The following TARS3 variants were observed in gnomAD, a reference collection of about 807,000 sequenced individuals.
TARS3 encodes the protein threonyl-tRNA synthetase 3, also known as threonine--tRNA ligase 2, cytoplasmic.
TARS3 carries 94 observed loss-of-function variants against 103.5 expected under a neutral mutation model. The observed-to-expected ratio is 0.91, with a 90% CI of 0.77 to 1.08. The LOEUF (loss-of-function observed/expected upper bound fraction) is 1.08. Ranked by LOEUF, TARS3 falls within the 50% of genes least tolerant of loss-of-function variation. The pLI, the probability that TARS3 is intolerant of heterozygous loss-of-function variation, is 0.00. For missense variants in TARS3, 952 were observed against 995.2 expected (o/e 0.96, Z 0.58); for synonymous variants, 416 against 355.4 (o/e 1.17, Z -1.92).
chr15:101,660,892 A>G (rs1232682074), intron 16 of TARS3, among the ~76,000 whole-genome samples: 1 of 152,224 alleles, frequency 6.6e-6, no homozygotes, highest in African/African-American at 2.4e-5. Context: ...AAATTCCTCA[A>G]CAGCGGGGGC....
intron 3 of TARS3, among the ~76,000 whole-genome samples, chr15:101,715,438 G>A (rs1417306943): frequency 2.0e-5 from 3 of 152,066 alleles, no homozygotes; most frequent in South Asian, 2.1e-4. Flanking sequence ...GAGCCACCGC[G>A]CCCAGCCACA....
intron 10 of TARS3, among the ~76,000 whole-genome samples, chr15:101,687,727 T>G (rs1352953547): frequency 6.6e-6 from 1 of 152,170 alleles, no homozygotes; most frequent in African/African-American, 2.4e-5. Flanking sequence ...ATTGTGATAT[T>G]GATACCTTAA....
chr15:101,684,236 G>T lies in TARS3; in HGVS notation c.1489C>A (p.Leu497Ile). ...LKPMNCPGHCLMFAHRPRSWR... is the reference protein window; with the variant it reads ...LKPMNCPGHCIMFAHRPRSWR... ...GATCGTGGACGATGGGCAAACATTAGACTAGAAAAGATGTGGTAACACACA... is the reference window on the plus strand; with the variant it reads ...GATCGTGGACGATGGGCAAACATTATACTAGAAAAGATGTGGTAACACACA... The change falls in exon 12 of 19, where the codon CTA becomes ATA. Residue 497 changes from leucine (L) to isoleucine (I), a missense_variant and splice_region_variant. Leu to Ile is a conservative substitution (Grantham distance 5, BLOSUM62 2). Transcript: ENST00000335968. 1 of 1,613,088 alleles carries T rather than the reference G, an allele frequency of 6.2e-7. No individual in the cohort carries two copies. The highest frequency in any genetic ancestry group is 8.5e-7 in the Non-Finnish European group (1 of 1,179,386).
chr15:101,711,233 A>G (rs1458926313), intron 5 of TARS3, among the ~76,000 whole-genome samples: 3 of 152,230 alleles, frequency 2.0e-5, no homozygotes, highest in African/African-American at 7.2e-5. Flanking sequence ...TCTTCTGGGG[A>G]CAAAAAAGAA....
Position 101,671,484 on chromosome 15 carries a change from A to G in TARS3, c.1967+2T>C. 6.3e-7 allele frequency: 1 copy of G among 1,594,804 alleles called. No individual in the cohort carries two copies. The highest frequency in any genetic ancestry group is 2.2e-5 in the East Asian group (1 of 44,462). ...TAATATTTATCACATTCAATCACTCACCTAACATATGTGAGATTAAATCTA... is the reference window on the plus strand; with the variant it reads ...TAATATTTATCACATTCAATCACTCGCCTAACATATGTGAGATTAAATCTA... On this transcript the variant is annotated splice_donor_variant, in intron 15 of 18. Transcript: ENST00000335968. LOFTEE classifies it high-confidence loss of function.
At chr15:101,680,936 T>C (rs982321179) in intron 12 of TARS3, among the ~76,000 whole-genome samples, 2 of 152,204 alleles carry the variant, frequency 1.3e-5, no homozygotes, top group Non-Finnish European at 2.9e-5. Context: ...ATTTTTATGT[T>C]TGACATTTAG....
chr15:101,722,405 C>T (rs535760416), intron 2 of TARS3, among the ~76,000 whole-genome samples: 2 of 151,478 alleles, frequency 1.3e-5, no homozygotes, highest in East Asian at 3.9e-4. Context: ...TTCTTTGGGC[C>T]TAGGTATTCC....
At chr15:101,703,825 A>T in intron 8 of TARS3, 34 bp downstream of exon 8, 1 of 1,391,110 alleles carries the variant, frequency 7.2e-7, no homozygotes, top group Non-Finnish European at 1.0e-6. Flanking sequence ...AGTGCACCTT[A>T]AGTTTACTGT....
chr15:101,672,766 C>T (rs1897861872), intron 13 of TARS3, among the ~76,000 whole-genome samples: 1 of 152,144 alleles, frequency 6.6e-6, no homozygotes, highest in African/African-American at 2.4e-5. Context: ...CAGAGAAAGC[C>T]ACCCCACGGA....
chr15:101,687,061 G>A lies in TARS3; in HGVS notation c.1321-999C>T, dbSNP rs571508274. Among the ~76,000 whole-genome samples the A allele has an allele frequency of 2.0e-5, 3 of 152,110 alleles. No individual in the cohort carries two copies. In the South Asian group the frequency reaches 6.2e-4, roughly 32 times the overall value. ...GTCCACGGTAGACAGCTTAGGTCTC[G>A]GCCATTCAGTGAGCTGCTTTACCTA... is the stretch of plus-strand genomic sequence containing the variant. On this transcript the variant is annotated intron_variant, in intron 10 of 18. Coordinates refer to ENST00000335968, the MANE Select transcript of TARS3 (RefSeq NM_152334.3).
At chr15:101,680,291 A>G (rs1898207864) in intron 12 of TARS3, among the ~76,000 whole-genome samples, 1 of 152,180 alleles carries the variant, frequency 6.6e-6, no homozygotes, top group African/African-American at 2.4e-5. Context: ...AATAGAGTAG[A>G]TATTGTCTAA....
intron 16 of TARS3, among the ~76,000 whole-genome samples, chr15:101,661,427 ATAACT>A (rs1315036834): frequency 6.6e-6 from 1 of 151,200 alleles, no homozygotes; most frequent in Non-Finnish European, 1.5e-5. Context: ...AGGTAAAAAG[ATAACT>A]TTAATTCTAC....
chr15:101,714,680 A>G, intron 4 of TARS3, 160 bp downstream of exon 4: 1 of 463,852 alleles, frequency 2.2e-6, no homozygotes, highest in East Asian at 3.9e-5. Context: ...ATTTGTATAC[A>G]TTCATGCCAC....
chr15:101,663,247 G>T (rs1281185149), intron 15 of TARS3, among the ~76,000 whole-genome samples: 1 of 152,130 alleles, frequency 6.6e-6, no homozygotes, highest in Non-Finnish European at 1.5e-5. Context: ...CAATGTGCAG[G>T]TTTGTTACAT....
At chr15:101,708,284 A>C (rs1021216145) in intron 6 of TARS3, among the ~76,000 whole-genome samples, 1 of 118,172 alleles carries the variant, frequency 8.5e-6, no homozygotes, top group Non-Finnish European at 1.8e-5. Flanking sequence ...AAAAAAAAAA[A>C]ACCCAAAAAA....
At chr15:101,711,792 A>G (rs1899880188) in intron 5 of TARS3, 88 bp downstream of exon 5, 4 of 1,482,610 alleles carry the variant, frequency 2.7e-6, no homozygotes, top group Admixed American at 2.0e-5. Flanking sequence ...AAGGGCCAGC[A>G]GTATACAGTT....
chr15:101,655,820 G>T, intron 18 of TARS3: 2 of 1,234,000 alleles, frequency 1.6e-6, no homozygotes, highest in South Asian at 1.4e-5. Flanking sequence ...GGGTGCAGAT[G>T]AGAGCGGGGA....
chr15:101,715,242 G>A (rs1055700397), intron 3 of TARS3, among the ~76,000 whole-genome samples: 1 of 150,018 alleles, frequency 6.7e-6, no homozygotes, highest in East Asian at 2.0e-4. Flanking sequence ...CGCCTCCCGG[G>A]TTCACGCCAT....
rs1187560425 is a variant in TARS3, at chr15:101,686,027, G to C, written c.1356C>G (p.Leu452=). ...GTTTACTGTTGTACATATTGGGAGA[G>C]AGCACCTCCGTGAAGTCCCGTTTGT... ...EYHKRDFTEV[L]SPNMYNSKLW... is the part of the protein sequence containing the mutation. The change falls in exon 11 of 19, where the codon CTC becomes CTG. Residue 452 remains leucine, a synonymous_variant. Coordinates refer to ENST00000335968, the MANE Select transcript of TARS3 (RefSeq NM_152334.3). 7 of 1,612,638 alleles carry C rather than the reference G, an allele frequency of 4.3e-6. No homozygotes were observed. Among genetic ancestry groups the C allele is most frequent in the Non-Finnish European group, 5.9e-6 (7 of 1,179,132 alleles).
Sources: gnomAD v4.1 joint callset for allele counts (sites outside exome capture counted in the v4.1 genomes callset) on GRCh38, gnomAD v4.1.1 for gene constraint, MANE v1.5 for transcripts, NCBI Gene and HGNC (gene_info 2026-07-23, HGNC 2026-07-21) for gene names.